The following FRMD4A variants were observed in gnomAD, a reference collection of about 807,000 sequenced individuals.
The protein encoded by FRMD4A is FERM domain containing 4A, also known as FERM domain-containing protein 4A.
Under a neutral mutation model 129.1 loss-of-function variants are expected in FRMD4A, and 29 were observed. The observed-to-expected ratio is 0.22, with a 90% CI of 0.17 to 0.31. The LOEUF is 0.31. Ranked by LOEUF, FRMD4A falls within the 10% of genes least tolerant of loss-of-function variation. The pLI, the probability that FRMD4A is intolerant of heterozygous loss-of-function variation, is 1.00. For synonymous variants in FRMD4A, 634 were observed against 571.6 expected (o/e 1.11, Z -1.56); for missense variants, 1,272 against 1,375.8 (o/e 0.92, Z 1.19).
intron 2 of FRMD4A, among the ~76,000 whole-genome samples, chr10:14,250,087 A>G (rs1056238305): frequency 1.3e-5 from 2 of 152,062 alleles, no homozygotes; most frequent in Non-Finnish European, 2.9e-5. Context: ...CAGCCTCCCA[A>G]GTAGCTGCGA....
intron 15 of FRMD4A, among the ~76,000 whole-genome samples, chr10:13,683,512 C>T (rs1301676016): frequency 6.6e-6 from 1 of 151,860 alleles, no homozygotes; most frequent in African/African-American, 2.4e-5. Flanking sequence ...CAGGAAGATC[C>T]CTTGAATCCG....
chr10:13,909,747 G>A (rs1429423743), intron 2 of FRMD4A, among the ~76,000 whole-genome samples: 1 of 152,142 alleles, frequency 6.6e-6, no homozygotes, highest in Non-Finnish European at 1.5e-5. Context: ...TATTTATTTT[G>A]CAACTAAAAA....
chr10:14,217,976 G>A (rs774696103), intron 2 of FRMD4A, among the ~76,000 whole-genome samples: 19 of 151,978 alleles, frequency 1.3e-4, no homozygotes, highest in South Asian at 2.1e-4. Context: ...GATTACAGGC[G>A]TTCACCACCA....
intron 2 of FRMD4A, among the ~76,000 whole-genome samples, chr10:13,911,782 G>A (rs1477789963): frequency 6.6e-6 from 1 of 152,064 alleles, no homozygotes; most frequent in Non-Finnish European, 1.5e-5. Flanking sequence ...GGGTGGTCTC[G>A]AACTGCTGAG....
intron 2 of FRMD4A, among the ~76,000 whole-genome samples, chr10:14,034,851 A>T (rs906402461): frequency 6.6e-6 from 1 of 152,200 alleles, no homozygotes. Context: ...TATTACTGCA[A>T]CAACTACAAC....
chr10:14,284,436 CAGGA>C (rs1232335650), intron 2 of FRMD4A, among the ~76,000 whole-genome samples: 1 of 152,052 alleles, frequency 6.6e-6, no homozygotes, highest in Non-Finnish European at 1.5e-5. Context: ...ATCACGAGAT[CAGGA>C]CATCAAGACC....
At chr10:13,801,154 G>C (rs1326741811) in intron 4 of FRMD4A, among the ~76,000 whole-genome samples, 2 of 152,192 alleles carry the variant, frequency 1.3e-5, no homozygotes, top group African/African-American at 4.8e-5. Flanking sequence ...GGCTGAGGCA[G>C]GAGAATCGCT....
chr10:13,666,420 A>T, intron 17 of FRMD4A, 95 bp from the exon 18 acceptor site: 1 of 808,914 alleles, frequency 1.2e-6, no homozygotes, highest in Non-Finnish European at 2.1e-6. Flanking sequence ...GTCCAGTTCC[A>T]TGGGAGACAC....
chr10:13,802,953 G>C (rs181489516), intron 4 of FRMD4A, among the ~76,000 whole-genome samples: 2 of 152,236 alleles, frequency 1.3e-5, no homozygotes, highest in African/African-American at 4.8e-5. Flanking sequence ...TTCGAGACCA[G>C]CCTGGCTAAC....
intron 2 of FRMD4A, among the ~76,000 whole-genome samples, chr10:14,288,146 A>G (rs1229041351): frequency 6.6e-6 from 1 of 152,182 alleles, no homozygotes; most frequent in African/African-American, 2.4e-5. Flanking sequence ...CCTTTCTTCA[A>G]GAAATACAAG....
chr10:13,761,796 C>CCTATTT, intron 7 of FRMD4A, 127 bp from the exon 8 acceptor site: 1 of 648,328 alleles, frequency 1.5e-6, no homozygotes, highest in Non-Finnish European at 2.7e-6. Context: ...CAGTTATCAT[C>CCTATTT]CTATTTGCTG....
intron 3 of FRMD4A, among the ~76,000 whole-genome samples, chr10:13,817,560 T>A (rs1350266569): frequency 1.3e-5 from 2 of 152,228 alleles, no homozygotes; most frequent in African/African-American, 4.8e-5. Context: ...TGGAGATAAC[T>A]GAATCATGGG....
intron 2 of FRMD4A, among the ~76,000 whole-genome samples, chr10:14,013,796 T>C (rs2095689608): frequency 6.6e-6 from 1 of 152,030 alleles, no homozygotes; most frequent in Non-Finnish European, 1.5e-5. Context: ...CCAGGTGTGG[T>C]GGTGCATCCC....
intron 2 of FRMD4A, among the ~76,000 whole-genome samples, chr10:14,174,342 C>T (rs1841620655): frequency 6.6e-6 from 1 of 152,192 alleles, no homozygotes; most frequent in South Asian, 2.1e-4. Context: ...CTACAGCTCT[C>T]TGTGTACCCT....
intron 2 of FRMD4A, among the ~76,000 whole-genome samples, chr10:13,948,227 C>T (rs560395736): frequency 6.6e-6 from 1 of 152,124 alleles, no homozygotes; most frequent in South Asian, 2.1e-4. Context: ...CTCACTGTTG[C>T]CCAGGCTGGA....
At chr10:14,291,073 C>T (rs2132075244) in intron 2 of FRMD4A, among the ~76,000 whole-genome samples, 1 of 152,174 alleles carries the variant, frequency 6.6e-6, no homozygotes, top group Non-Finnish European at 1.5e-5. Flanking sequence ...GAGAGTGATA[C>T]TATGAAGAAA....
At chr10:14,054,639 C>A (rs1834422885) in intron 2 of FRMD4A, among the ~76,000 whole-genome samples, 1 of 152,134 alleles carries the variant, frequency 6.6e-6, no homozygotes, top group South Asian at 2.1e-4. Flanking sequence ...CTCAGAGCTC[C>A]CTGTGACTCA....
At chr10:13,665,961 T>TTATGGATGGACAAATGAAGGCAGCGG in intron 18 of FRMD4A, 136 bp downstream of exon 18, 1 of 655,590 alleles carries the variant, frequency 1.5e-6, no homozygotes, top group Non-Finnish European at 2.7e-6. Context: ...TCGCTTCATT[T>TTATGGATGGACAAATGAAGGCAGCGG]TATGGATGGA....
At chr10:13,744,665 C>A (rs1000434241) in intron 9 of FRMD4A, 1 of 152,176 alleles carries the variant, frequency 6.6e-6, no homozygotes, top group African/African-American at 2.4e-5. Context: ...CGAACTCCAG[C>A]GGGGGCAGGA....
Sources: allele counts gnomAD v4.1 joint callset (sites outside exome capture counted in the v4.1 genomes callset), GRCh38; gene constraint gnomAD v4.1.1; transcripts MANE v1.5; gene names NCBI Gene and HGNC (gene_info 2026-07-23, HGNC 2026-07-21).